Variants in ST3GAL3 observed in about 807,000 individuals in gnomAD.
ST3GAL3 encodes the protein ST3 beta-galactoside alpha-2,3-sialyltransferase 3.
In ST3GAL3, 21 loss-of-function variants were observed where a neutral mutation model predicts 50.1. The observed-to-expected ratio is 0.42, with a 90% CI of 0.30 to 0.60. The LOEUF is 0.60. Among genes scored for constraint, ST3GAL3 ranks in the 20% least tolerant of loss-of-function variants. The probability of loss-of-function intolerance (pLI) is 0.19; values close to 1 mark genes in which losing one functional copy is unlikely to be tolerated. For synonymous variants in ST3GAL3, 183 were observed against 190.0 expected (o/e 0.96, Z 0.30); for missense variants, 353 against 489.4 (o/e 0.72, Z 2.63).
chr1:43,733,022 A>C (rs1676609245), intron 1 of ST3GAL3, among the ~76,000 whole-genome samples: 1 of 150,558 alleles, frequency 6.6e-6, no homozygotes, highest in African/African-American at 2.4e-5. Context: ...TCTGTTGCCC[A>C]GGCTGATGTG....
chr1:43,735,956 T>C (rs1678221262), intron 1 of ST3GAL3, among the ~76,000 whole-genome samples: 1 of 152,028 alleles, frequency 6.6e-6, no homozygotes, highest in Non-Finnish European at 1.5e-5. Context: ...ATTTGAAAAA[T>C]ATCTGGGAGG....
At chr1:43,877,531 G>T (rs980157225) in intron 5 of ST3GAL3, among the ~76,000 whole-genome samples, 3 of 152,118 alleles carry the variant, frequency 2.0e-5, no homozygotes, top group Non-Finnish European at 4.4e-5. Context: ...GAAGATAATG[G>T]GCTCCTTTTT....
Position 43,919,069 on chromosome 1 carries a change from C to CTTTTTTTTTTTTTTTTTTTTTTTTTTT in ST3GAL3, c.745-1309_745-1308insTTTTTTTTTTTTTTTTTTTTTTTTTTT, listed in dbSNP as rs1170641209. On this transcript the variant is annotated intron_variant, in intron 9 of 11. Transcript: ENST00000347631. Reference sequence around the variant, plus strand: ...TTTCTTTTCTTTCCTTTCTTTGTTTCTTTTTTTTTTTTTTTTTTTTTTTTT... The same window carrying CTTTTTTTTTTTTTTTTTTTTTTTTTTT: ...TTTCTTTTCTTTCCTTTCTTTGTTTCTTTTTTTTTTTTTTTTTTTTTTTTTTTTTTTTTTTTTTTTTTTTTTTTTTTT... 5 of 60,318 alleles carry CTTTTTTTTTTTTTTTTTTTTTTTTTTT rather than the reference C, an allele frequency of 8.3e-5. 2 individuals are homozygous for CTTTTTTTTTTTTTTTTTTTTTTTTTTT. Among genetic ancestry groups the CTTTTTTTTTTTTTTTTTTTTTTTTTTT allele is most frequent in the Non-Finnish European group, 8.8e-5 (3 of 33,938 alleles). 3.7% of individuals were successfully genotyped at this position (60,318 alleles called of 1,614,324 possible).
At chr1:43,743,578 TGA>T in intron 2 of ST3GAL3, 1 of 378,730 alleles carries the variant, frequency 2.6e-6, no homozygotes, top group East Asian at 8.9e-5. Context: ...TTATTGTGAA[TGA>T]GAGGGTCTGT....
intron 5 of ST3GAL3, among the ~76,000 whole-genome samples, chr1:43,878,462 A>G (rs1335032887): frequency 6.6e-6 from 1 of 152,224 alleles, no homozygotes; most frequent in Non-Finnish European, 1.5e-5. Flanking sequence ...GTTGGCCTCA[A>G]GGGAAATGAG....
intron 9 of ST3GAL3, among the ~76,000 whole-genome samples, chr1:43,903,331 C>T (rs370826657): frequency 3.9e-5 from 6 of 152,312 alleles, no homozygotes; most frequent in Non-Finnish European, 8.8e-5. Flanking sequence ...GGCAGAGCCT[C>T]CCATCCCCAT....
intron 2 of ST3GAL3, among the ~76,000 whole-genome samples, chr1:43,742,303 G>T (rs896222822): frequency 4.6e-5 from 7 of 152,126 alleles, no homozygotes; most frequent in African/African-American, 1.7e-4. Context: ...AAGATCTACC[G>T]TAGACCCGCC....
chr1:43,808,457 A>G (rs1030017873), intron 3 of ST3GAL3, among the ~76,000 whole-genome samples: 2 of 152,062 alleles, frequency 1.3e-5, no homozygotes, highest in African/African-American at 4.8e-5. Context: ...AAGAAAGGAG[A>G]AACGACTGAG....
intron 11 of ST3GAL3, among the ~76,000 whole-genome samples, chr1:43,924,115 T>A (rs2083502747): frequency 6.6e-6 from 1 of 152,182 alleles, no homozygotes; most frequent in African/African-American, 2.4e-5. Context: ...ATTTCAAGGA[T>A]ATATAAGGCA....
At chr1:43,871,226 T>C (rs2072627488) in intron 5 of ST3GAL3, among the ~76,000 whole-genome samples, 1 of 152,174 alleles carries the variant, frequency 6.6e-6, no homozygotes, top group Non-Finnish European at 1.5e-5. Flanking sequence ...CACTCCAGCC[T>C]CTTTGGAATG....
chr1:43,843,868 C>T (rs1240244648), intron 5 of ST3GAL3, among the ~76,000 whole-genome samples: 8 of 152,168 alleles, frequency 5.3e-5, no homozygotes, highest in African/African-American at 1.4e-4. Flanking sequence ...CTGGAGATGG[C>T]GTCAGATCCC....
intron 5 of ST3GAL3, 196 bp downstream of exon 5, chr1:43,838,507 T>C (rs911036704): frequency 1.2e-5 from 7 of 594,600 alleles, no homozygotes; most frequent in Non-Finnish European, 2.2e-5. Context: ...CCATCCTGCC[T>C]CTGGAGCTTG....
chr1:43,856,628 C>G (rs2068437156), intron 5 of ST3GAL3, among the ~76,000 whole-genome samples: 1 of 152,214 alleles, frequency 6.6e-6, no homozygotes, highest in Non-Finnish European at 1.5e-5. Flanking sequence ...ATGGGCTAGA[C>G]AACCTCAATG....
intron 2 of ST3GAL3, among the ~76,000 whole-genome samples, chr1:43,783,817 C>T (rs1700115980): frequency 6.6e-6 from 1 of 152,126 alleles, no homozygotes; most frequent in Non-Finnish European, 1.5e-5. Context: ...CCTGTGAACG[C>T]TGTTGCCCTA....
intron 9 of ST3GAL3, among the ~76,000 whole-genome samples, chr1:43,906,200 T>C (rs1198080383): frequency 1.1e-4 from 8 of 75,422 alleles, no homozygotes; most frequent in Admixed American, 1.5e-4. Flanking sequence ...CCTCCTCCTG[T>C]TCCCCTTCCT....
intron 11 of ST3GAL3, among the ~76,000 whole-genome samples, chr1:43,925,307 A>T (rs1357489699): frequency 1.3e-5 from 2 of 151,408 alleles, no homozygotes; most frequent in Admixed American, 1.3e-4. Context: ...AAAAAAAAAA[A>T]AAAAGAGTGT....
chr1:43,929,333 C>A (rs2084627841), intron 11 of ST3GAL3, among the ~76,000 whole-genome samples: 1 of 149,912 alleles, frequency 6.7e-6, no homozygotes, highest in South Asian at 2.1e-4. Context: ...GAGACAGAAT[C>A]TCTCTCTGTT....
At chr1:43,819,717 G>A (rs1172544516) in intron 4 of ST3GAL3, among the ~76,000 whole-genome samples, 1 of 152,060 alleles carries the variant, frequency 6.6e-6, no homozygotes, top group Non-Finnish European at 1.5e-5. Flanking sequence ...AGTACAGATG[G>A]TCCCATTACC....
rs113114809 is a variant in ST3GAL3, at chr1:43,911,656, GCTATAGATAT to G, written c.745-8737_745-8728del. Among the ~76,000 whole-genome samples, 34 of 144,454 alleles carry G rather than the reference GCTATAGATAT, an allele frequency of 2.4e-4. 2 individuals carry two copies. Among genetic ancestry groups the G allele is most frequent in the African/African-American group, 9.1e-4 (32 of 35,344 alleles). The allele number at this position is 144,454 out of a possible 152,430, so 94.8% of individuals were successfully genotyped here. A position where few individuals can be genotyped will look rare whatever the true frequency, so the allele number is the denominator to read the frequency against. ...ATCTATATCTATAGATATATCTGTA[GCTATAGATAT>G]CTATAGATATAGATATAGATATGGA... On this transcript the variant is annotated intron_variant, in intron 9 of 11. Coordinates refer to ENST00000347631, the MANE Select transcript of ST3GAL3 (RefSeq NM_006279.5).
Sources: allele counts gnomAD v4.1 joint callset (sites outside exome capture counted in the v4.1 genomes callset), GRCh38; gene constraint gnomAD v4.1.1; transcripts MANE v1.5; gene names NCBI Gene and HGNC (gene_info 2026-07-23, HGNC 2026-07-21).